The following MCF2L2 variants were observed in gnomAD, a reference collection of about 807,000 sequenced individuals.
MCF2L2 encodes the protein probable guanine nucleotide exchange factor MCF2L2.
A neutral mutation model predicts 150.2 loss-of-function variants in MCF2L2; 102 were observed. That is an observed-to-expected ratio of 0.68 (90% CI 0.58 to 0.80). MCF2L2 has a LOEUF of 0.80. MCF2L2 is among the 30% of genes least tolerant of loss of function. The pLI, the probability that MCF2L2 is intolerant of heterozygous loss-of-function variation, is 0.00. For synonymous variants in MCF2L2, 465 were observed against 491.3 expected, an observed-to-expected ratio of 0.95 and a Z score of 0.71; for missense variants, 1,256 against 1,372.8, an observed-to-expected ratio of 0.91 and a Z score of 1.34.
At chr3:183,247,054 A>C (rs948736064) in intron 15 of MCF2L2, among the ~76,000 whole-genome samples, 3 of 152,150 alleles carry the variant, frequency 2.0e-5, no homozygotes, top group African/African-American at 7.2e-5. Context: ...TGTTAATTGA[A>C]TGGATGGTTG....
At chr3:183,269,825 A>G (rs767217115) in intron 15 of MCF2L2, 24 of 1,610,374 alleles carry the variant, frequency 1.5e-5, no homozygotes, top group Non-Finnish European at 2.0e-5. Flanking sequence ...GTGGCAGAAG[A>G]GTCAAAAAAT....
rs2291789 is a variant in MCF2L2 at position 183,297,337 on chromosome 3, T to C, written c.1306-170A>G. 2.2e-3 allele frequency: 1,331 copies of C among 610,054 alleles called. 21 individuals carry two copies. In the East Asian group the frequency reaches 0.03, roughly 14 times the overall value. The allele number at this position is 610,054 out of a possible 1,614,324, so 37.8% of individuals were successfully genotyped here. On this transcript the variant is annotated intron_variant, in intron 11 of 29. Transcript: ENST00000328913. ...GGTCTAACCACTGTAAATTACACTA[T>C]GAGGGGGACAAACCCAAACCAGCTG...
At chr3:183,422,141 C>T (rs73186920) in intron 1 of MCF2L2, among the ~76,000 whole-genome samples, 12,906 of 152,228 alleles carry the variant, frequency 0.085, 573 homozygotes, top group African/African-American at 0.095. Context: ...TTCCATATAA[C>T]TCTAGTTGCC....
At chr3:183,187,713 C>T (rs1010156846) in intron 27 of MCF2L2, among the ~76,000 whole-genome samples, 3 of 152,104 alleles carry the variant, frequency 2.0e-5, no homozygotes, top group Non-Finnish European at 2.9e-5. Flanking sequence ...CTGATCCTCC[C>T]GCCTCGGCCT....
intron 15 of MCF2L2, among the ~76,000 whole-genome samples, chr3:183,243,789 A>G (rs1724133879): frequency 6.6e-6 from 1 of 152,232 alleles, no homozygotes; most frequent in African/African-American, 2.4e-5. Context: ...CCACACAATT[A>G]GAAGTAGAGT....
At chr3:183,264,920 A>G (rs1265158826) in intron 15 of MCF2L2, among the ~76,000 whole-genome samples, 1 of 152,172 alleles carries the variant, frequency 6.6e-6, no homozygotes, top group Non-Finnish European at 1.5e-5. Flanking sequence ...TCCTACTTCT[A>G]TTCTTTATTC....
intron 3 of MCF2L2, among the ~76,000 whole-genome samples, chr3:183,347,801 A>G (rs1249036525): frequency 2.6e-5 from 4 of 152,226 alleles, no homozygotes; most frequent in Non-Finnish European, 2.9e-5. Flanking sequence ...TATGAAAAAA[A>G]GCTCATCATT....
chr3:183,334,253 G>C (rs1730380769), intron 5 of MCF2L2, among the ~76,000 whole-genome samples: 1 of 152,184 alleles, frequency 6.6e-6, no homozygotes, highest in African/African-American at 2.4e-5. Flanking sequence ...TTTCAGGCAA[G>C]AATCTTTAAT....
At chr3:183,412,808 T>G (rs559930303) in intron 1 of MCF2L2, among the ~76,000 whole-genome samples, 5 of 152,290 alleles carry the variant, frequency 3.3e-5, no homozygotes, top group Non-Finnish European at 7.4e-5. Flanking sequence ...TGTTCCTGTC[T>G]TTGGGGGAAA....
intron 1 of MCF2L2, among the ~76,000 whole-genome samples, chr3:183,423,500 A>C (rs1441075338): frequency 6.6e-6 from 1 of 152,176 alleles, no homozygotes; most frequent in African/African-American, 2.4e-5. Flanking sequence ...AAGTCATTTT[A>C]GAACAATGAT....
chr3:183,365,813 A>C (rs1453896720), intron 3 of MCF2L2, among the ~76,000 whole-genome samples: 4 of 152,214 alleles, frequency 2.6e-5, no homozygotes, highest in African/African-American at 9.6e-5. Context: ...CAAACGACAA[A>C]TTAAGAAGTG....
intron 27 of MCF2L2, among the ~76,000 whole-genome samples, chr3:183,187,801 C>T (rs1721749722): frequency 6.6e-6 from 1 of 152,188 alleles, no homozygotes; most frequent in Non-Finnish European, 1.5e-5. Flanking sequence ...GTAAACAGCA[C>T]ACCCACCTGT....
chr3:183,381,738 C>T (rs1033172945), intron 2 of MCF2L2, among the ~76,000 whole-genome samples: 1 of 152,054 alleles, frequency 6.6e-6, no homozygotes, highest in African/African-American at 2.4e-5. Context: ...CTCTAAATTT[C>T]CAAAGATGAG....
chr3:183,391,779 GAAGTT>G (rs1714168242), intron 1 of MCF2L2, among the ~76,000 whole-genome samples: 1 of 152,186 alleles, frequency 6.6e-6, no homozygotes, highest in African/African-American at 2.4e-5. Flanking sequence ...AGCAGAAACG[GAAGTT>G]ATGTAATTAA....
chr3:183,212,973 T>TGGGG, intron 22 of MCF2L2, among the ~76,000 whole-genome samples: 1 of 13,168 alleles, frequency 7.6e-5, no homozygotes, highest in South Asian at 3.0e-3. Context: ...GGTGGGGGGG[T>TGGGG]GGGGAATGAA....
Position 183,309,766 on chromosome 3 carries a change from G to A in MCF2L2, c.1063C>T (p.His355Tyr). The A allele has an allele frequency of 1.2e-6, 2 of 1,613,812 alleles. No individual in the cohort carries two copies. Among genetic ancestry groups the A allele is most frequent in the South Asian group, 2.2e-5 (2 of 91,070 alleles). Residue 355 changes from histidine (H) to tyrosine (Y), a missense_variant, in exon 10 of 30, where the codon CAC (histidine) becomes TAC (tyrosine). By Grantham distance (83) the His-to-Tyr change is moderately conservative. Transcript: ENST00000328913. ...EFTGIGDSVM[H>Y]VEQILKEHKK... ...TGTTCCTTAAGAATCTGCTCCACGT[G>A]CATCACGCTGTCTCCAATGCCTGTA...
chr3:183,219,307 T>C (rs1431974727), intron 21 of MCF2L2, among the ~76,000 whole-genome samples: 1 of 152,208 alleles, frequency 6.6e-6, no homozygotes, highest in Non-Finnish European at 1.5e-5. Context: ...TTGCTTAATT[T>C]TGTTCCCATT....
intron 13 of MCF2L2, among the ~76,000 whole-genome samples, chr3:183,289,847 C>T (rs1374251268): frequency 6.6e-6 from 1 of 152,196 alleles, no homozygotes; most frequent in Non-Finnish European, 1.5e-5. Flanking sequence ...CAGAGCTAGA[C>T]TCCATCTCAA....
chr3:183,206,009 G>A (rs1722457227), intron 24 of MCF2L2, 55 bp from the exon 25 acceptor site: 1 of 1,563,608 alleles, frequency 6.4e-7, no homozygotes, highest in Non-Finnish European at 8.8e-7. Context: ...TAATTGCAGA[G>A]TTTTTATTCT....
Sources: gnomAD v4.1 joint callset for allele counts (sites outside exome capture counted in the v4.1 genomes callset) on GRCh38, gnomAD v4.1.1 for gene constraint, MANE v1.5 for transcripts, NCBI Gene and HGNC (gene_info 2026-07-23, HGNC 2026-07-21) for gene names.